Variants in OR51B5 observed in about 807,000 individuals in gnomAD.
The protein encoded by OR51B5 is olfactory receptor family 51 subfamily B member 5, also known as olfactory receptor 51B5.
For missense variants in OR51B5, 456 were observed against 374.6 expected, an observed-to-expected ratio of 1.22 and a Z score of -1.79; for synonymous variants, 186 against 144.8, an observed-to-expected ratio of 1.28 and a Z score of -2.04.
At chr11:5,372,800 G>A (rs1387639792) in intron 1 of OR51B5, among the ~76,000 whole-genome samples, 3 of 151,962 alleles carry the variant, frequency 2.0e-5, no homozygotes, top group Admixed American at 1.3e-4. Flanking sequence ...CTGAGCTCTG[G>A]CACATTTTAC....
intron 1 of OR51B5, among the ~76,000 whole-genome samples, chr11:5,447,553 T>C (rs1008471140): frequency 3.9e-5 from 6 of 152,176 alleles, no homozygotes; most frequent in Non-Finnish European, 5.9e-5. Context: ...TATTCAGTTT[T>C]TTTGTACTTA....
intron 1 of OR51B5, among the ~76,000 whole-genome samples, chr11:5,360,866 T>C (rs1446151143): frequency 6.6e-6 from 1 of 151,258 alleles, no homozygotes; most frequent in Non-Finnish European, 1.5e-5. Flanking sequence ...CTGGAAACCA[T>C]CATTCTCAGC....
At chr11:5,408,700 A>G (rs573945961) in intron 1 of OR51B5, among the ~76,000 whole-genome samples, 1 of 152,266 alleles carries the variant, frequency 6.6e-6, no homozygotes, top group East Asian at 1.9e-4. Context: ...TAATCCAAAC[A>G]TAAACAATGT....
chr11:5,462,333 C>T (rs1851069109), intron 1 of OR51B5, among the ~76,000 whole-genome samples: 1 of 152,124 alleles, frequency 6.6e-6, no homozygotes, highest in African/African-American at 2.4e-5. Context: ...CCATGTTGCT[C>T]AGAGTTTTAT....
chr11:5,444,121 G>A (rs939336931), intron 1 of OR51B5, among the ~76,000 whole-genome samples: 2 of 152,068 alleles, frequency 1.3e-5, no homozygotes, highest in Non-Finnish European at 2.9e-5. Flanking sequence ...TGTCACAAAT[G>A]CATCAGCATT....
At chr11:5,366,106 G>A (rs138212265) in intron 1 of OR51B5, among the ~76,000 whole-genome samples, 2 of 152,298 alleles carry the variant, frequency 1.3e-5, no homozygotes, top group East Asian at 3.9e-4. Context: ...TACTTGTCCA[G>A]TTGTGTGTGA....
At chr11:5,374,536 G>A (rs1020180930) in intron 1 of OR51B5, among the ~76,000 whole-genome samples, 1 of 152,136 alleles carries the variant, frequency 6.6e-6, no homozygotes, top group Non-Finnish European at 1.5e-5. Context: ...ACTACTCCGA[G>A]CTACAGGAGG....
intron 1 of OR51B5, chr11:5,489,275 T>A (rs1403403729): frequency 6.2e-7 from 1 of 1,614,038 alleles, no homozygotes; most frequent in African/African-American, 1.3e-5. Flanking sequence ...ATTGCCCGAC[T>A]GGCCTGTGCC....
chr11:5,454,026 C>G, intron 1 of OR51B5: 2 of 1,614,072 alleles, frequency 1.2e-6, no homozygotes, highest in African/African-American at 2.7e-5. Flanking sequence ...CTCCTACTGC[C>G]TGCACCCAGA....
chr11:5,379,404 T>G (rs1228672558), intron 1 of OR51B5, among the ~76,000 whole-genome samples: 13 of 151,982 alleles, frequency 8.6e-5, no homozygotes, highest in Non-Finnish European at 8.8e-5. Flanking sequence ...GGCACATGTA[T>G]ACATATGTAA....
At chr11:5,387,519 C>G (rs1318975651) in intron 1 of OR51B5, among the ~76,000 whole-genome samples, 2 of 151,876 alleles carry the variant, frequency 1.3e-5, no homozygotes, top group Non-Finnish European at 2.9e-5. Flanking sequence ...CTGCTCTCAA[C>G]TCGAAGCTCA....
intron 1 of OR51B5, among the ~76,000 whole-genome samples, chr11:5,473,854 A>AGTGT (rs71053262): frequency 0.016 from 2,341 of 150,114 alleles, 22 homozygotes; most frequent in Non-Finnish European, 0.021. Flanking sequence ...TTACAAAATG[A>AGTGT]GTGTGTGTGT....
intron 1 of OR51B5, among the ~76,000 whole-genome samples, chr11:5,432,708 A>G (rs1850549435): frequency 6.6e-6 from 1 of 152,184 alleles, no homozygotes; most frequent in South Asian, 2.1e-4. Flanking sequence ...AAGATATTTT[A>G]TTCTTAGAGA....
At chr11:5,434,933 T>C (rs1193534911) in intron 1 of OR51B5, among the ~76,000 whole-genome samples, 1 of 152,166 alleles carries the variant, frequency 6.6e-6, no homozygotes, top group Non-Finnish European at 1.5e-5. Flanking sequence ...AATGGGAAGA[T>C]GCTGGAGAAG....
chr11:5,352,918 TTATATA>T (rs112273202), intron 1 of OR51B5, among the ~76,000 whole-genome samples: 2,208 of 148,786 alleles, frequency 0.015, 59 homozygotes, highest in African/African-American at 0.051. Flanking sequence ...TATGAACCAA[TTATATA>T]TATAATTCTT....
intron 1 of OR51B5, chr11:5,403,628 T>C (rs953872847): frequency 7.4e-6 from 3 of 403,988 alleles, no homozygotes; most frequent in Non-Finnish European, 1.5e-5. Context: ...TTGCATGTTA[T>C]GCGATTGATA....
rs562254640 is a variant in OR51B5 at position 5,470,455 on chromosome 11, C to T, written n.84+35114G>A. On this transcript the variant is annotated intron_variant and non_coding_transcript_variant, in intron 1 of 4. Transcript: ENST00000415970. ...CTAATACCTTGGAAATTATTGTCTA[C>T]CCATAATGTCCTCCATGTCTCTGCT... 6.6e-5 allele frequency among the ~76,000 whole-genome samples: 10 copies of T among 152,308 alleles called. No individual in the cohort carries two copies. The South Asian group carries it at 1.7e-3, about 25-fold the overall frequency.
chr11:5,474,930 A>G (rs985170940), intron 1 of OR51B5, among the ~76,000 whole-genome samples: 6 of 152,250 alleles, frequency 3.9e-5, no homozygotes, highest in Non-Finnish European at 7.3e-5. Context: ...AAGAACTAAA[A>G]TAATCTGGAA....
At chr11:5,352,003 T>C (rs1849099133) in intron 1 of OR51B5, 2 of 1,613,606 alleles carry the variant, frequency 1.2e-6, no homozygotes, top group Non-Finnish European at 1.7e-6. Context: ...CTGGTTTCCC[T>C]ACTGTCGATC....
Sources: gnomAD v4.1 joint callset for allele counts (sites outside exome capture counted in the v4.1 genomes callset) on GRCh38, gnomAD v4.1.1 for gene constraint, MANE v1.5 for transcripts, NCBI Gene and HGNC (gene_info 2026-07-23, HGNC 2026-07-21) for gene names.